The following DACH1 variants were observed in gnomAD, a reference collection of about 807,000 sequenced individuals.
The protein encoded by DACH1 is dachshund family transcription factor 1, also known as dachshund homolog 1.
Under a neutral mutation model 54.2 loss-of-function variants are expected in DACH1, and 12 were observed. That is an observed-to-expected ratio of 0.22 (90% CI 0.14 to 0.36). The LOEUF is 0.36. DACH1 is among the 10% of genes least tolerant of loss of function. The probability of loss-of-function intolerance (pLI) is 1.00; values close to 1 mark genes in which losing one functional copy is unlikely to be tolerated. For missense variants in DACH1, 805 were observed against 929.8 expected, an observed-to-expected ratio of 0.87 and a Z score of 1.75; for synonymous variants, 386 against 366.2, an observed-to-expected ratio of 1.05 and a Z score of -0.62.
intron 10 of DACH1, among the ~76,000 whole-genome samples, chr13:71,468,769 T>A (rs1219107632): frequency 6.6e-6 from 1 of 152,236 alleles, no homozygotes; most frequent in Non-Finnish European, 1.5e-5. Context: ...GTTGTAGATT[T>A]TTTTCTCTAA....
chr13:71,799,914 C>T (rs1887221454), intron 1 of DACH1, among the ~76,000 whole-genome samples: 1 of 152,028 alleles, frequency 6.6e-6, no homozygotes, highest in African/African-American at 2.4e-5. Flanking sequence ...TATGTGTGTA[C>T]ACTATTTTAT....
At chr13:71,635,572 A>G (rs1594022713) in intron 2 of DACH1, among the ~76,000 whole-genome samples, 1 of 152,218 alleles carries the variant, frequency 6.6e-6, no homozygotes, top group Non-Finnish European at 1.5e-5. Context: ...AATATAAACT[A>G]TAACAACATT....
chr13:71,627,088 G>C (rs1435107108), intron 3 of DACH1, among the ~76,000 whole-genome samples: 1 of 151,912 alleles, frequency 6.6e-6, no homozygotes. Flanking sequence ...TTGTTGGAAA[G>C]ATATGAGCTC....
At chr13:71,661,641 A>G (rs578122041) in intron 2 of DACH1, among the ~76,000 whole-genome samples, 197 of 151,938 alleles carry the variant, frequency 1.3e-3, no homozygotes, top group African/African-American at 3.7e-3. Context: ...AATCTTCAAG[A>G]AAAAAAGATC....
At chr13:71,783,919 G>A (rs1886483343) in intron 1 of DACH1, among the ~76,000 whole-genome samples, 1 of 145,218 alleles carries the variant, frequency 6.9e-6, no homozygotes, top group Non-Finnish European at 1.5e-5. Flanking sequence ...CACTAACATA[G>A]GTTGGCTCTC....
intron 5 of DACH1, among the ~76,000 whole-genome samples, 175 bp from the exon 6 acceptor site, chr13:71,557,333 T>A (rs1022865551): frequency 3.9e-5 from 6 of 152,144 alleles, no homozygotes; most frequent in East Asian, 3.9e-4. Flanking sequence ...CTGATAAACA[T>A]GATAATTTGT....
rs1873805723 is a variant in DACH1 at position 71,439,391 on chromosome 13, G to C, written c.*1264C>G. 1 of 152,360 alleles carries C rather than the reference G, an allele frequency of 6.6e-6. No individual in the cohort carries two copies. The highest frequency in any genetic ancestry group is 2.1e-4 in the South Asian group (1 of 4,818). The allele number at this position is 152,360 out of a possible 1,614,324, so 9.4% of individuals were successfully genotyped here. ...AAAAAGACAGTGAAAATAACACATA[G>C]CCACCCTTCCCTCTGACAAGGGTGG... On this transcript the variant is annotated 3_prime_UTR_variant, in exon 11 of 11. Coordinates refer to ENST00000613252, the MANE Select transcript of DACH1 (RefSeq NM_080759.6).
chr13:71,608,927 T>C (rs1427264160), intron 3 of DACH1, among the ~76,000 whole-genome samples: 1 of 152,120 alleles, frequency 6.6e-6, no homozygotes, highest in Non-Finnish European at 1.5e-5. Context: ...TATGAAGACA[T>C]GGCATAACTG....
chr13:71,806,511 T>C (rs1887510603), intron 1 of DACH1, among the ~76,000 whole-genome samples: 1 of 152,208 alleles, frequency 6.6e-6, no homozygotes, highest in Non-Finnish European at 1.5e-5. Flanking sequence ...GTTTTTGCCT[T>C]ATAGGCAGTC....
At position 71,848,209 on chromosome 13, in the gene DACH1, C is replaced by A. The variant is rs571285869; in HGVS notation, c.848+17713G>T. On this transcript the variant is annotated intron_variant, in intron 1 of 10. Coordinates refer to ENST00000613252, the MANE Select transcript of DACH1 (RefSeq NM_080759.6). ...ACCATAGATACTGAAGCCATTATCC[C>A]CCCCCAAAAAAATGGTATTTTTTTA... 1.1e-4 allele frequency among the ~76,000 whole-genome samples: 14 copies of A among 122,472 alleles called. No homozygotes were observed. The East Asian group carries it at 8.4e-3, about 73-fold the overall frequency. The allele number at this position is 122,472 out of a possible 152,430, so 80.3% of individuals were successfully genotyped here. A position where few individuals can be genotyped will look rare whatever the true frequency, so the allele number is the denominator to read the frequency against.
At position 71,479,090 on chromosome 13, in the gene DACH1, C is replaced by A. The variant is rs567803809; in HGVS notation, c.1870+79G>T. On this transcript the variant is annotated intron_variant, in intron 8 of 10. Coordinates refer to ENST00000613252, the MANE Select transcript of DACH1 (RefSeq NM_080759.6). ...TAAATTAACAAAAATACTACAATTT[C>A]AAAATAAATCACCATCATAGTATTA... 3.8e-6 allele frequency: 5 copies of A among 1,310,470 alleles called. No individual in the cohort carries two copies. The South Asian group carries it at 8.5e-5, about 22-fold the overall frequency. 81.2% of individuals were successfully genotyped at this position (1,310,470 alleles called of 1,614,324 possible). A position where few individuals can be genotyped will look rare whatever the true frequency, so the allele number is the denominator to read the frequency against.
chr13:71,496,652 C>T (rs1879469319), intron 6 of DACH1, among the ~76,000 whole-genome samples: 2 of 152,066 alleles, frequency 1.3e-5, no homozygotes, highest in South Asian at 4.2e-4. Context: ...ACCCTGACTT[C>T]ACCACTATGC....
chr13:71,826,509 T>C (rs1170856350), intron 1 of DACH1, among the ~76,000 whole-genome samples: 2 of 152,042 alleles, frequency 1.3e-5, no homozygotes, highest in Admixed American at 6.6e-5. Context: ...GGAACATCTA[T>C]AACCTGTCTC....
At chr13:71,447,438 T>C (rs1190488975) in intron 10 of DACH1, among the ~76,000 whole-genome samples, 1 of 152,240 alleles carries the variant, frequency 6.6e-6, no homozygotes, top group Non-Finnish European at 1.5e-5. Flanking sequence ...TAACATCTAA[T>C]ACATATAGAC....
At chr13:71,853,378 G>C (rs944289731) in intron 1 of DACH1, among the ~76,000 whole-genome samples, 2 of 152,136 alleles carry the variant, frequency 1.3e-5, no homozygotes, top group Admixed American at 6.6e-5. Context: ...TCAATGAGAA[G>C]TCTGTGCTTT....
chr13:71,604,803 T>A (rs1874758148), intron 3 of DACH1, among the ~76,000 whole-genome samples: 1 of 151,876 alleles, frequency 6.6e-6, no homozygotes, highest in African/African-American at 2.4e-5. Flanking sequence ...TCTAGCATCA[T>A]ATTCTGCTAA....
intron 3 of DACH1, among the ~76,000 whole-genome samples, chr13:71,599,068 A>G (rs1874312353): frequency 6.6e-6 from 1 of 152,120 alleles, no homozygotes; most frequent in Admixed American, 6.5e-5. Flanking sequence ...TAAACCACAA[A>G]ACTTTACTAT....
intron 1 of DACH1, among the ~76,000 whole-genome samples, chr13:71,759,908 G>C (rs553974242): frequency 3.3e-5 from 5 of 152,236 alleles, no homozygotes; most frequent in Admixed American, 3.3e-4. Flanking sequence ...GAGAAGAAAT[G>C]GGGAAAAAAT....
intron 6 of DACH1, among the ~76,000 whole-genome samples, chr13:71,512,288 T>C (rs1880834475): frequency 6.6e-6 from 1 of 151,890 alleles, no homozygotes; most frequent in Non-Finnish European, 1.5e-5. Context: ...CTTCTCTGCA[T>C]TATGTTCCTC....
Sources: gnomAD v4.1 joint callset for allele counts (sites outside exome capture counted in the v4.1 genomes callset) on GRCh38, gnomAD v4.1.1 for gene constraint, MANE v1.5 for transcripts, NCBI Gene and HGNC (gene_info 2026-07-23, HGNC 2026-07-21) for gene names.